Variants in ZNF33A observed in about 807,000 individuals in gnomAD.
The protein encoded by ZNF33A is brain my041 protein.
In ZNF33A, 9 loss-of-function variants were observed where a neutral mutation model predicts 15.9. The observed-to-expected ratio is 0.57, with a 90% CI of 0.34 to 0.99. The LOEUF is 0.99. Among genes scored for constraint, ZNF33A ranks in the 50% least tolerant of loss-of-function variants. The pLI, the probability that ZNF33A is intolerant of heterozygous loss-of-function variation, is 0.02. For synonymous variants in ZNF33A, 294 were observed against 324.2 expected (o/e 0.91, Z 1.00); for missense variants, 843 against 941.6 (o/e 0.90, Z 1.37).
chr10:38,042,906 G>A (rs1237773241), intron 4 of ZNF33A, among the ~76,000 whole-genome samples: 9 of 152,130 alleles, frequency 5.9e-5, no homozygotes, highest in East Asian at 3.9e-4. Flanking sequence ...CAACAATACA[G>A]TTATAAACAT....
chr10:38,056,900 G>T lies in ZNF33A; in HGVS notation c.*340G>T. 4 of 986,070 alleles carry T rather than the reference G, an allele frequency of 4.1e-6. No homozygotes were observed. Among genetic ancestry groups the T allele is most frequent in the Non-Finnish European group, 4.9e-6 (4 of 822,102 alleles). 61.1% of individuals were successfully genotyped at this position (986,070 alleles called of 1,614,324 possible). Reference sequence around the variant, plus strand: ...TAACAATAATTTATAGATGTATATTGTGGAATGTAAAGCTTTAAGAACTTA... The same window carrying T: ...TAACAATAATTTATAGATGTATATTTTGGAATGTAAAGCTTTAAGAACTTA... On this transcript the variant is annotated 3_prime_UTR_variant, in exon 5 of 5. Coordinates refer to ENST00000432900, the MANE Select transcript of ZNF33A (RefSeq NM_006954.2).
chr10:38,012,333 C>G lies in ZNF33A; in HGVS notation c.-9C>G. 1 of 1,609,974 alleles carries G rather than the reference C, an allele frequency of 6.2e-7. No individual in the cohort carries two copies. The highest frequency in any genetic ancestry group is 8.5e-7 in the Non-Finnish European group (1 of 1,177,882). ...AGAGTTGTCTCCGTCTTTCCAAGAA[C>G]AGAACAAAATGAACAAGGTAAGTTG... On this transcript the variant is annotated 5_prime_UTR_variant, in exon 2 of 5. Transcript: ENST00000432900.
rs140794315 is a variant in ZNF33A, at chr10:38,028,651, A to G, written c.250+11265A>G. Among the ~76,000 whole-genome samples, 449 of 152,162 alleles carry G rather than the reference A, an allele frequency of 3.0e-3. 5 individuals are homozygous for G. Among genetic ancestry groups the G allele is most frequent in the African/African-American group, 9.7e-3 (401 of 41,520 alleles). ...TCCAGCTAATTTTTGTGTCTTTAGTAGAGATGGAGTTTTGCTGTGTTGGCC... is the reference window on the plus strand; with the variant it reads ...TCCAGCTAATTTTTGTGTCTTTAGTGGAGATGGAGTTTTGCTGTGTTGGCC... On this transcript the variant is annotated intron_variant, in intron 4 of 4. Coordinates refer to ENST00000432900, the MANE Select transcript of ZNF33A (RefSeq NM_006954.2).
chr10:38,063,735 C>A (rs1229605077), downstream of ZNF33A, among the ~76,000 whole-genome samples: 3 of 152,168 alleles, frequency 2.0e-5, no homozygotes, highest in African/African-American at 4.8e-5. Flanking sequence ...AAATATAGCA[C>A]CCCTGTTTTC....
chr10:38,015,937 A>G (rs2064432710), intron 2 of ZNF33A: 2 of 1,189,580 alleles, frequency 1.7e-6, no homozygotes, highest in Non-Finnish European at 2.1e-6. Context: ...ATATGCTCAT[A>G]TCTCATCTTT....
chr10:38,041,472 T>C (rs1408487250), intron 4 of ZNF33A, among the ~76,000 whole-genome samples: 1 of 152,128 alleles, frequency 6.6e-6, no homozygotes, highest in Non-Finnish European at 1.5e-5. Context: ...TCCTTAACTT[T>C]AGTAAAATAC....
At chr10:38,066,215 G>C (rs2066708525), downstream of ZNF33A, among the ~76,000 whole-genome samples, 1 of 152,132 alleles carries the variant, frequency 6.6e-6, no homozygotes, top group Non-Finnish European at 1.5e-5. Context: ...ACTTCTCCTG[G>C]TGTGATTGTG....
At chr10:38,010,623 T>G (rs1051710006), upstream of ZNF33A, 4 of 1,331,000 alleles carry the variant, frequency 3.0e-6, no homozygotes, top group African/African-American at 5.7e-5. Flanking sequence ...GCCAACAGCA[T>G]CAAGCTGTGC....
intron 4 of ZNF33A, among the ~76,000 whole-genome samples, chr10:38,027,760 A>G (rs1173991000): frequency 6.6e-6 from 1 of 152,138 alleles, no homozygotes; most frequent in African/African-American, 2.4e-5. Context: ...TACTTTTTAT[A>G]TCTTATTGAT....
intron 1 of ZNF33A, among the ~76,000 whole-genome samples, chr10:38,011,503 A>T (rs932791926): frequency 8.5e-5 from 13 of 152,080 alleles, no homozygotes; most frequent in African/African-American, 3.1e-4. Flanking sequence ...TGAACCCGGG[A>T]GGCGGAGGTT....
In ZNF33A at chr10:38,057,302, G is replaced by C. The variant is rs1233622304; in HGVS notation, c.*742G>C. The C allele has an allele frequency of 4.1e-6, 4 of 985,318 alleles. No homozygotes were observed. The East Asian group carries it at 4.5e-4, about 112-fold the overall frequency. 61.0% of individuals were successfully genotyped at this position (985,318 alleles called of 1,614,324 possible). ...TTGTATTAATAACCACACGCTTTCT[G>C]CAACCCTATCCCTTGCATCCACTTG... On this transcript the variant is annotated 3_prime_UTR_variant, in exon 5 of 5. Transcript: ENST00000432900.
At position 38,055,115 on chromosome 10, in the gene ZNF33A, T is replaced by C; in HGVS notation, c.991T>C (p.Cys331Arg). Residue 331 changes from cysteine to arginine, a missense_variant, in exon 5 of 5, where the codon TGT becomes CGT. Physicochemically the swap from Cys to Arg is radical, Grantham distance 180. Transcript: ENST00000432900. ...TGATAAAGGAGAGAAACACTTTGAATGTAATGAATGTGGGAAAGCTTTCTG... is the reference window on the plus strand; with the variant it reads ...TGATAAAGGAGAGAAACACTTTGAACGTAATGAATGTGGGAAAGCTTTCTG... ...KGDKGEKHFE[C>R]NECGKAFWEK... is the part of the protein sequence containing the mutation. 1.2e-6 allele frequency: 2 copies of C among 1,614,112 alleles called. No individual in the cohort carries two copies. Among genetic ancestry groups the C allele is most frequent in the Non-Finnish European group, 1.7e-6 (2 of 1,179,986 alleles).
chr10:38,063,898 T>A (rs532552699), downstream of ZNF33A, among the ~76,000 whole-genome samples: 2 of 152,316 alleles, frequency 1.3e-5, no homozygotes, highest in East Asian at 3.9e-4. Flanking sequence ...GAGGAGGTCA[T>A]GTTTGTCATA....
chr10:38,025,561 G>A (rs1410678603), intron 4 of ZNF33A, among the ~76,000 whole-genome samples: 1 of 152,272 alleles, frequency 6.6e-6, no homozygotes, highest in Non-Finnish European at 1.5e-5. Flanking sequence ...GCTAGGAAGA[G>A]GCCCTCACCA....
intron 4 of ZNF33A, among the ~76,000 whole-genome samples, chr10:38,021,131 G>A (rs1201093440): frequency 2.0e-5 from 3 of 152,056 alleles, no homozygotes; most frequent in African/African-American, 4.8e-5. Flanking sequence ...GAACAACATA[G>A]GTTGATAAAG....
Position 38,055,485 on chromosome 10 carries a change from C to T in ZNF33A, c.1361C>T (p.Ser454Leu), listed in dbSNP as rs773591351. The change falls in exon 5 of 5, where the codon TCG (serine) becomes TTG (leucine). Residue 454 changes from serine to leucine, a missense_variant. Coordinates refer to ENST00000432900, the MANE Select transcript of ZNF33A (RefSeq NM_006954.2). ...TGTGGAAAATCCTTCCGTGTGACTT[C>T]GCACCTTAAAGTACACCAGAGAACT... ...YECGKSFRVT[S>L]HLKVHQRTHT... 3.5e-5 allele frequency: 57 copies of T among 1,613,994 alleles called. 1 individual carries two copies. The highest frequency in any genetic ancestry group is 1.7e-4 in the Middle Eastern group (1 of 6,060).
chr10:38,047,034 G>C (rs2065971328), intron 4 of ZNF33A, among the ~76,000 whole-genome samples: 1 of 151,648 alleles, frequency 6.6e-6, no homozygotes, highest in African/African-American at 2.4e-5. Flanking sequence ...AAAAAAATTA[G>C]CTGGGTGTGG....
chr10:38,023,408 A>G (rs950574563), intron 4 of ZNF33A, among the ~76,000 whole-genome samples: 1 of 152,226 alleles, frequency 6.6e-6, no homozygotes, highest in South Asian at 2.1e-4. Context: ...AAAAGTATAC[A>G]CCATAATAAC....
intron 4 of ZNF33A, among the ~76,000 whole-genome samples, chr10:38,049,266 A>G (rs141695920): frequency 0.021 from 3,210 of 152,230 alleles, 49 homozygotes; most frequent in Non-Finnish European, 0.033. Context: ...ATTTACATAT[A>G]GGAAATTTAG....
Sources: allele counts gnomAD v4.1 joint callset (sites outside exome capture counted in the v4.1 genomes callset), GRCh38; gene constraint gnomAD v4.1.1; transcripts MANE v1.5; gene names NCBI Gene and HGNC (gene_info 2026-07-23, HGNC 2026-07-21).